Variants in CCSER1 observed in about 807,000 individuals in gnomAD.
CCSER1 encodes serine-rich coiled-coil domain-containing protein 1.
A neutral mutation model predicts 82.0 loss-of-function variants in CCSER1; 41 were observed. The observed-to-expected ratio is 0.50, with a 90% confidence interval of 0.39 to 0.65. CCSER1 has a LOEUF of 0.65. CCSER1 is among the 30% of genes least tolerant of loss of function. The pLI is 0.00. For missense variants in CCSER1, 1,119 were observed against 1,064.2 expected, an observed-to-expected ratio of 1.05 and a Z score of -0.72; for synonymous variants, 414 against 383.9, an observed-to-expected ratio of 1.08 and a Z score of -0.92.
At chr4:91,321,388 G>A (rs1231490814) in intron 10 of CCSER1, among the ~76,000 whole-genome samples, 1 of 151,972 alleles carries the variant, frequency 6.6e-6, no homozygotes, top group Non-Finnish European at 1.5e-5. Flanking sequence ...ATTGATAGAA[G>A]AAACATTTTT....
chr4:90,267,962 G>T (rs566165883), intron 1 of CCSER1, among the ~76,000 whole-genome samples: 7 of 152,072 alleles, frequency 4.6e-5, no homozygotes, highest in African/African-American at 7.2e-5. Flanking sequence ...ACGCTTCCAA[G>T]GAAACCTTAC....
chr4:91,161,572 AT>A lies in CCSER1; in HGVS notation c.2217+75581del, dbSNP rs566264602. Among the ~76,000 whole-genome samples the A allele has an allele frequency of 3.7e-3, 568 of 152,022 alleles. 2 individuals are homozygous for A. Among genetic ancestry groups the A allele is most frequent in the Non-Finnish European group, 6.6e-3 (450 of 67,994 alleles). ...CTTCCATTTGTTTGTGTCCTCTTTT[AT>A]TTCGTTGAGCAGTAGTTTGTAGTTC... On this transcript the variant is annotated intron_variant, in intron 10 of 10. Transcript: ENST00000509176.
intron 10 of CCSER1, among the ~76,000 whole-genome samples, chr4:91,154,375 G>T (rs902190969): frequency 6.6e-6 from 1 of 152,078 alleles, no homozygotes; most frequent in South Asian, 2.1e-4. Flanking sequence ...CAGTATTACT[G>T]TGGGAGTGAC....
chr4:90,391,485 T>TATATATACATAC (rs1438072458), intron 3 of CCSER1, among the ~76,000 whole-genome samples: 1 of 76,654 alleles, frequency 1.3e-5, no homozygotes, highest in Admixed American at 1.5e-4. Flanking sequence ...TATATATATA[T>TATATATACATAC]ACACACACAC....
At chr4:91,507,534 T>C (rs1759566598) in intron 10 of CCSER1, among the ~76,000 whole-genome samples, 1 of 152,060 alleles carries the variant, frequency 6.6e-6, no homozygotes, top group African/African-American at 2.4e-5. Flanking sequence ...GTTCACGCCA[T>C]TCTCCTGCCT....
intron 3 of CCSER1, among the ~76,000 whole-genome samples, chr4:90,394,800 AAAAT>A (rs1373981403): frequency 2.0e-5 from 3 of 151,990 alleles, no homozygotes; most frequent in Non-Finnish European, 4.4e-5. Context: ...TATTAGTTGA[AAAAT>A]AAAAATTCTG....
At chr4:90,828,857 T>C (rs958666871) in intron 8 of CCSER1, among the ~76,000 whole-genome samples, 10 of 152,254 alleles carry the variant, frequency 6.6e-5, no homozygotes, top group African/African-American at 2.4e-4. Flanking sequence ...GGAGAACTTT[T>C]AGAGAATAAA....
intron 1 of CCSER1, among the ~76,000 whole-genome samples, chr4:90,214,866 G>A (rs1560810726): frequency 6.6e-6 from 1 of 152,138 alleles, no homozygotes; most frequent in Non-Finnish European, 1.5e-5. Flanking sequence ...TAGTAAATAT[G>A]CTCTTCCAGG....
intron 10 of CCSER1, among the ~76,000 whole-genome samples, chr4:91,259,114 AAAAAT>A (rs1465290548): frequency 6.6e-6 from 1 of 152,182 alleles, no homozygotes; most frequent in Non-Finnish European, 1.5e-5. Context: ...AGGATAATTG[AAAAAT>A]AAAATGACAT....
chr4:90,745,583 A>G (rs1580266126), intron 7 of CCSER1, among the ~76,000 whole-genome samples: 1 of 151,846 alleles, frequency 6.6e-6, no homozygotes, highest in Non-Finnish European at 1.5e-5. Flanking sequence ...AGTATTTGCA[A>G]TGCACATTAC....
intron 9 of CCSER1, among the ~76,000 whole-genome samples, chr4:91,080,331 G>C (rs937396432): frequency 6.6e-6 from 1 of 152,184 alleles, no homozygotes; most frequent in African/African-American, 2.4e-5. Context: ...GGTACATAAA[G>C]AAATGAAGGT....
intron 5 of CCSER1, among the ~76,000 whole-genome samples, chr4:90,514,448 A>G (rs1006458870): frequency 6.6e-6 from 1 of 152,176 alleles, no homozygotes; most frequent in East Asian, 1.9e-4. Flanking sequence ...GAATGCTATG[A>G]AGATACAGTT....
chr4:91,183,004 T>C (rs1470635984), intron 10 of CCSER1, among the ~76,000 whole-genome samples: 1 of 152,234 alleles, frequency 6.6e-6, no homozygotes, highest in Non-Finnish European at 1.5e-5. Flanking sequence ...TGTGAAAGTG[T>C]CTAGCATTAG....
At chr4:90,289,495 A>G (rs891580083) in intron 1 of CCSER1, among the ~76,000 whole-genome samples, 6 of 151,956 alleles carry the variant, frequency 3.9e-5, no homozygotes, top group Admixed American at 3.9e-4. Flanking sequence ...TTCATCTTTC[A>G]CATGGAATAT....
chr4:91,242,839 G>A (rs969425277), intron 10 of CCSER1, among the ~76,000 whole-genome samples: 7 of 152,086 alleles, frequency 4.6e-5, no homozygotes, highest in Non-Finnish European at 7.4e-5. Flanking sequence ...AAAGGTTGGG[G>A]GTCAAAGCAA....
intron 10 of CCSER1, among the ~76,000 whole-genome samples, chr4:91,362,007 G>T (rs994842177): frequency 6.6e-6 from 1 of 151,770 alleles, no homozygotes. Context: ...GAAACTGAGG[G>T]AGAAAACCAT....
At chr4:91,496,774 ATTGAATATATATTGAATATATAT>A (rs1323024996) in intron 10 of CCSER1, among the ~76,000 whole-genome samples, 2 of 97,890 alleles carry the variant, frequency 2.0e-5, no homozygotes, top group Non-Finnish European at 4.1e-5. Flanking sequence ...TTCAATATAT[ATTGAATATATATTGAATATATAT>A]TTGAATATAT....
intron 5 of CCSER1, among the ~76,000 whole-genome samples, chr4:90,473,082 T>A (rs1225802055): frequency 6.6e-6 from 1 of 152,204 alleles, no homozygotes; most frequent in African/African-American, 2.4e-5. Context: ...ACACTCAGCA[T>A]GTTCCTCAAA....
intron 3 of CCSER1, among the ~76,000 whole-genome samples, chr4:90,334,886 T>C (rs941017794): frequency 3.3e-5 from 5 of 152,212 alleles, no homozygotes; most frequent in Non-Finnish European, 5.9e-5. Flanking sequence ...CAATTTATGA[T>C]AAACCTATTT....
Sources: gnomAD v4.1 joint callset for allele counts (sites outside exome capture counted in the v4.1 genomes callset) on GRCh38, gnomAD v4.1.1 for gene constraint, MANE v1.5 for transcripts, NCBI Gene and HGNC (gene_info 2026-07-23, HGNC 2026-07-21) for gene names.